The following JAKMIP1 variants were observed in gnomAD, a reference collection of about 807,000 sequenced individuals.
JAKMIP1 encodes janus kinase and microtubule interacting protein 1.
JAKMIP1 carries 33 observed loss-of-function variants against 113.0 expected under a neutral mutation model. That is an observed-to-expected ratio of 0.29 (90% CI 0.22 to 0.39). The LOEUF is 0.39. Among genes scored for constraint, JAKMIP1 ranks in the 10% least tolerant of loss-of-function variants. JAKMIP1 has a pLI of 1.00. For synonymous variants in JAKMIP1, 480 were observed against 459.9 expected (o/e 1.04, Z -0.56); for missense variants, 813 against 1,080.5 (o/e 0.75, Z 3.47).
intron 1 of JAKMIP1, among the ~76,000 whole-genome samples, chr4:6,119,360 C>T (rs1716354735): frequency 6.6e-6 from 1 of 152,070 alleles, no homozygotes; most frequent in Non-Finnish European, 1.5e-5. Context: ...CCTGACCCAA[C>T]ATGAAGAAAC....
chr4:6,084,995 G>C (rs1177071157), intron 4 of JAKMIP1, 30 bp from the exon 5 acceptor site: 1 of 538,412 alleles, frequency 1.9e-6, no homozygotes, highest in Non-Finnish European at 2.5e-6. Flanking sequence ...AAAAAAAAAA[G>C]TCAAGACGTA....
In JAKMIP1 at chr4:6,187,604, A is replaced by G. The variant is rs544790696; in HGVS notation, c.-148+12649T>C. ...CACCATGTGAAAACACAGCAAGAAG[A>G]CTGCTGTCAATGGGGAGGCAGGGCC... On this transcript the variant is annotated intron_variant, in intron 1 of 20. Transcript: ENST00000409021. The surrounding 1 kb of genome is among the most constrained non-coding windows in gnomAD (Gnocchi z 4.2). Among the ~76,000 whole-genome samples the G allele has an allele frequency of 4.6e-5, 7 of 152,380 alleles. No homozygotes were observed. In the South Asian group the frequency reaches 1.2e-3, roughly 27 times the overall value.
chr4:6,079,359 G>A (rs564927133), intron 7 of JAKMIP1, among the ~76,000 whole-genome samples: 184 of 152,228 alleles, frequency 1.2e-3, no homozygotes, highest in Non-Finnish European at 2.2e-3. Flanking sequence ...TGGGTGGATG[G>A]ATGGATGGAT....
intron 3 of JAKMIP1, among the ~76,000 whole-genome samples, chr4:6,092,038 T>C (rs1343470466): frequency 3.3e-5 from 5 of 152,142 alleles, no homozygotes; most frequent in Non-Finnish European, 7.4e-5. Flanking sequence ...CTTTCCAACA[T>C]TGAGGGTGCG....
intron 17 of JAKMIP1, among the ~76,000 whole-genome samples, chr4:6,041,434 T>TCCTTCCA (rs1457385724): frequency 6.6e-6 from 1 of 152,126 alleles, no homozygotes; most frequent in East Asian, 1.9e-4. Flanking sequence ...GCCACACTAG[T>TCCTTCCA]CCTTCCACCT....
At position 6,192,479 on chromosome 4, in the gene JAKMIP1, C is replaced by T. The variant is rs995262568; in HGVS notation, c.-148+7774G>A. On this transcript the variant is annotated intron_variant, in intron 1 of 20. Coordinates refer to ENST00000409021, the MANE Select transcript of JAKMIP1 (RefSeq NM_001099433.2). The surrounding 1 kb of genome is among the most constrained non-coding windows in gnomAD (Gnocchi z 5.0). Reference sequence around the variant, plus strand: ...ACAAACACCCACTGCACGCAGACGCCACTGAGCCTGTTTTGGTTTTGGTCT... The same window carrying T: ...ACAAACACCCACTGCACGCAGACGCTACTGAGCCTGTTTTGGTTTTGGTCT... Among the ~76,000 whole-genome samples the T allele has an allele frequency of 3.3e-5, 5 of 152,190 alleles. No homozygotes were observed. Among genetic ancestry groups the T allele is most frequent in the Non-Finnish European group, 7.4e-5 (5 of 68,026 alleles).
intron 19 of JAKMIP1, 36 bp downstream of exon 19, chr4:6,035,868 C>A (rs901498257): frequency 5.3e-6 from 8 of 1,516,228 alleles, no homozygotes; most frequent in Non-Finnish European, 7.1e-6. Context: ...ACAAGGGTGC[C>A]GGGGTGCTGT....
At chr4:6,131,980 T>C (rs1229042297) in intron 1 of JAKMIP1, among the ~76,000 whole-genome samples, 1 of 152,056 alleles carries the variant, frequency 6.6e-6, no homozygotes, top group African/African-American at 2.4e-5. Flanking sequence ...TGAGGGAAAA[T>C]GACAAAGGTC....
Position 6,081,485 on chromosome 4 carries a change from G to C in JAKMIP1, c.1101+124C>G. ...GACATCTGTGACTGACACTGTGCCT[G>C]GTGCTTTGTGGGGAGGTGGGCAGCA... On this transcript the variant is annotated intron_variant, in intron 6 of 20. Coordinates refer to ENST00000409021, the MANE Select transcript of JAKMIP1 (RefSeq NM_001099433.2). The surrounding 1 kb of genome is among the most constrained non-coding windows in gnomAD (Gnocchi z 4.6). 9.8e-7 allele frequency: 1 copy of C among 1,015,480 alleles called. No individual in the cohort carries two copies. The highest frequency in any genetic ancestry group is 1.5e-6 in the Non-Finnish European group (1 of 673,602). The allele number at this position is 1,015,480 out of a possible 1,614,324, so 62.9% of individuals were successfully genotyped here. A position where few individuals can be genotyped will look rare whatever the true frequency, so the allele number is the denominator to read the frequency against.
Position 6,154,169 on chromosome 4 carries a change from G to A in JAKMIP1, c.-147-41172C>T, listed in dbSNP as rs913951476. The stretch of plus-strand genomic sequence containing the variant: ...TGCACTCAGGGAGACACTGACCCTC[G>A]CAGGAGGGAAGACAGAGCGGAGCTG... On this transcript the variant is annotated intron_variant, in intron 1 of 20. Transcript: ENST00000409021. This position sits in a 1 kb window ranked among gnomAD's most constrained non-coding sequence, Gnocchi z 4.2. 1.3e-5 allele frequency among the ~76,000 whole-genome samples: 2 copies of A among 152,234 alleles called. No individual in the cohort carries two copies. The highest frequency in any genetic ancestry group is 6.5e-5 in the Admixed American group (1 of 15,290).
At position 6,188,358 on chromosome 4, in the gene JAKMIP1, C is replaced by T. The variant is rs1243565761; in HGVS notation, c.-148+11895G>A. On this transcript the variant is annotated intron_variant, in intron 1 of 20. Transcript: ENST00000409021. This position sits in a 1 kb window ranked among gnomAD's most constrained non-coding sequence, Gnocchi z 5.8. ...TTCAGAACAGAATCCGCAATGATGG[C>T]GTTTTCAAGTGCTGTGGCACTGTTC... 6.6e-6 allele frequency among the ~76,000 whole-genome samples: 1 copy of T among 152,178 alleles called. No homozygotes were observed. Among genetic ancestry groups the T allele is most frequent in the Admixed American group, 6.5e-5 (1 of 15,286 alleles).
At chr4:6,028,566 A>T (rs938716089) in intron 20 of JAKMIP1, among the ~76,000 whole-genome samples, 1 of 152,230 alleles carries the variant, frequency 6.6e-6, no homozygotes, top group Non-Finnish European at 1.5e-5. Context: ...AAAGGCTGTC[A>T]TCCCATTTTT....
chr4:6,102,797 G>A lies in JAKMIP1; in HGVS notation c.624+2676C>T, dbSNP rs1052036250. 2.4e-5 allele frequency among the ~76,000 whole-genome samples: 3 copies of A among 123,868 alleles called. No homozygotes were observed. In the Admixed American group the frequency reaches 3.3e-4, roughly 14 times the overall value. 81.3% of individuals were successfully genotyped at this position (123,868 alleles called of 152,430 possible). ...CGCCCAGGCTGGAGTGCAGTGGCGCGATCTCAGCTCACTGCAAGCTCCACC... is the reference window on the plus strand; with the variant it reads ...CGCCCAGGCTGGAGTGCAGTGGCGCAATCTCAGCTCACTGCAAGCTCCACC... On this transcript the variant is annotated intron_variant, in intron 3 of 20. Coordinates refer to ENST00000409021, the MANE Select transcript of JAKMIP1 (RefSeq NM_001099433.2).
intron 1 of JAKMIP1, among the ~76,000 whole-genome samples, chr4:6,114,981 T>C (rs7694562): frequency 0.6 from 91,202 of 152,148 alleles, 28,406 homozygotes; most frequent in East Asian, 0.96. Context: ...CGGTCTCTGA[T>C]AGAAACACTT....
chr4:6,121,540 C>T (rs999739737), intron 1 of JAKMIP1, among the ~76,000 whole-genome samples: 1 of 152,210 alleles, frequency 6.6e-6, no homozygotes, highest in Non-Finnish European at 1.5e-5. Context: ...GACTAAATCC[C>T]GTGATGGGTA....
intron 3 of JAKMIP1, among the ~76,000 whole-genome samples, chr4:6,096,283 C>T (rs1056068481): frequency 1.3e-5 from 2 of 152,230 alleles, no homozygotes; most frequent in Admixed American, 1.3e-4. Context: ...TGAGGTTAAA[C>T]TAATTTTTAT....
chr4:6,118,576 T>C (rs906099730), intron 1 of JAKMIP1, among the ~76,000 whole-genome samples: 2 of 152,168 alleles, frequency 1.3e-5, no homozygotes, highest in Non-Finnish European at 2.9e-5. Context: ...CCTTCCACGA[T>C]GCCCACCACC....
intron 1 of JAKMIP1, among the ~76,000 whole-genome samples, chr4:6,118,534 C>G (rs988479137): frequency 6.6e-6 from 1 of 152,182 alleles, no homozygotes; most frequent in African/African-American, 2.4e-5. Context: ...CAACCTTGAC[C>G]TATATGCCAG....
intron 1 of JAKMIP1, among the ~76,000 whole-genome samples, chr4:6,191,234 C>A (rs372223349): frequency 6.6e-6 from 1 of 152,216 alleles, no homozygotes; most frequent in Admixed American, 6.5e-5. Context: ...AGGCTCCAGA[C>A]TCCAGACAGC....
Sources: gnomAD v4.1 joint callset for allele counts (sites outside exome capture counted in the v4.1 genomes callset) on GRCh38, gnomAD v4.1.1 for gene constraint, Gnocchi (gnomAD v3.1) non-coding constraint, MANE v1.5 for transcripts, NCBI Gene and HGNC (gene_info 2026-07-23, HGNC 2026-07-21) for gene names.